ENTREP2: variants seen among roughly 807,000 people sequenced by gnomAD.
ENTREP2 encodes the protein protein ENTREP2.
the ENTREP2 span, among the ~76,000 whole-genome samples, chr15:29,140,042 T>A: frequency 6.6e-6 from 1 of 152,166 alleles, no homozygotes; most frequent in Non-Finnish European, 1.5e-5. Context: ...GCTGCGGGTT[T>A]CCTGCGCCTT....
chr15:29,501,863 T>C, the ENTREP2 span, among the ~76,000 whole-genome samples: 1 of 151,994 alleles, frequency 6.6e-6, no homozygotes, highest in African/African-American at 2.4e-5. Flanking sequence ...AAATCAGTTG[T>C]ATTTGTATAC....
the ENTREP2 span, among the ~76,000 whole-genome samples, chr15:29,197,226 A>G: frequency 1.3e-5 from 2 of 152,262 alleles, no homozygotes; most frequent in African/African-American, 4.8e-5. Context: ...AAGAGAGAGT[A>G]TGAGAGTCTC....
chr15:29,149,037 C>T, the ENTREP2 span, among the ~76,000 whole-genome samples: 2 of 152,268 alleles, frequency 1.3e-5, no homozygotes, highest in South Asian at 2.1e-4. Flanking sequence ...CCACCATGCC[C>T]GGCTAATTTT....
the ENTREP2 span, chr15:29,252,619 A>G: frequency 9.2e-5 from 47 of 508,504 alleles, no homozygotes; most frequent in African/African-American, 8.0e-4. Context: ...GTTTTAAAGG[A>G]AAGTGGTAGG....
the ENTREP2 span, among the ~76,000 whole-genome samples, chr15:29,625,992 A>G: frequency 1.3e-5 from 2 of 151,972 alleles, no homozygotes; most frequent in African/African-American, 4.8e-5. Context: ...AATTACAGGC[A>G]TGTGCCACCA....
At chr15:29,402,149 T>C in the ENTREP2 span, among the ~76,000 whole-genome samples, 3 of 152,158 alleles carry the variant, frequency 2.0e-5, no homozygotes, top group South Asian at 4.2e-4. Context: ...CAAAGGATTA[T>C]GTATTTTGGA....
the ENTREP2 span, among the ~76,000 whole-genome samples, chr15:29,287,945 G>A: frequency 6.6e-6 from 1 of 152,206 alleles, no homozygotes; most frequent in East Asian, 1.9e-4. Flanking sequence ...AGTGACCCAC[G>A]GTTAGGAGGA....
chr15:29,525,707 T>C, the ENTREP2 span, among the ~76,000 whole-genome samples: 3 of 152,194 alleles, frequency 2.0e-5, no homozygotes, highest in African/African-American at 4.8e-5. Context: ...TATGGAGAAC[T>C]GGTCAGTAGT....
the ENTREP2 span, among the ~76,000 whole-genome samples, chr15:29,379,799 G>T: frequency 3.3e-5 from 5 of 152,176 alleles, no homozygotes; most frequent in African/African-American, 1.2e-4. Flanking sequence ...GCGCGGGGGT[G>T]ATTGGGTGAT....
At chr15:29,552,491 C>T in the ENTREP2 span, among the ~76,000 whole-genome samples, 30 of 152,060 alleles carry the variant, frequency 2.0e-4, no homozygotes, top group African/African-American at 6.5e-4. Flanking sequence ...CCCAGCTATT[C>T]GGGAGGCCAA....
At chr15:29,157,011 C>T in the ENTREP2 span, among the ~76,000 whole-genome samples, 6 of 152,164 alleles carry the variant, frequency 3.9e-5, no homozygotes, top group South Asian at 6.2e-4. Context: ...GCAGGAGAAT[C>T]GGTTGAACCT....
the ENTREP2 span, among the ~76,000 whole-genome samples, chr15:29,443,183 T>G: frequency 6.6e-6 from 1 of 152,198 alleles, no homozygotes; most frequent in Non-Finnish European, 1.5e-5. Context: ...ACTCCTGTGG[T>G]CACTCTTCAG....
the ENTREP2 span, among the ~76,000 whole-genome samples, chr15:29,509,624 G>T: frequency 2.0e-4 from 31 of 152,222 alleles, no homozygotes; most frequent in Non-Finnish European, 4.4e-4. Flanking sequence ...AATGATCTTT[G>T]ACAAACCTGA....
the ENTREP2 span, chr15:29,612,447 C>T: frequency 6.6e-6 from 1 of 151,056 alleles, no homozygotes; most frequent in Non-Finnish European, 1.5e-5. Flanking sequence ...CCACCACATT[C>T]AAATCTTATT....
At chr15:29,309,150 T>G in the ENTREP2 span, among the ~76,000 whole-genome samples, 3 of 152,218 alleles carry the variant, frequency 2.0e-5, no homozygotes, top group Non-Finnish European at 4.4e-5. Flanking sequence ...CCTAGGAGAT[T>G]AGAGGTGAAA....
the ENTREP2 span, among the ~76,000 whole-genome samples, chr15:29,647,782 C>G: frequency 6.6e-6 from 1 of 152,158 alleles, no homozygotes; most frequent in East Asian, 1.9e-4. Flanking sequence ...CTCAATCCAC[C>G]TTTTAAAGGA....
chr15:29,388,865 C>CA, the ENTREP2 span, among the ~76,000 whole-genome samples: 341 of 146,258 alleles, frequency 2.3e-3, 1 homozygote, highest in African/African-American at 8.2e-3. Context: ...ATCGCAAGGA[C>CA]AAAAAACCAA....
At chr15:29,470,490 C>T in the ENTREP2 span, among the ~76,000 whole-genome samples, 1 of 152,242 alleles carries the variant, frequency 6.6e-6, no homozygotes, top group Non-Finnish European at 1.5e-5. Flanking sequence ...CCAGGGCAGG[C>T]AAATACTCGT....
the ENTREP2 span, among the ~76,000 whole-genome samples, chr15:29,599,174 C>A: frequency 3.9e-5 from 6 of 152,198 alleles, no homozygotes; most frequent in Non-Finnish European, 7.3e-5. Flanking sequence ...TAATAGGCAA[C>A]GTGCATCACA....
Sources: allele counts gnomAD v4.1 joint callset (sites outside exome capture counted in the v4.1 genomes callset), GRCh38; gene constraint gnomAD v4.1.1; transcripts MANE v1.5; gene names NCBI Gene and HGNC (gene_info 2026-07-23, HGNC 2026-07-21).